Variants in ACBD6 observed in about 807,000 individuals in gnomAD.
ACBD6 encodes acyl-CoA-binding domain-containing protein 6.
ACBD6 carries 28 observed loss-of-function variants against 37.2 expected under a neutral mutation model. The ratio of observed to expected loss-of-function variants is 0.75; its 90% CI spans 0.56 to 1.03. The LOEUF (loss-of-function observed/expected upper bound fraction) is 1.03, where lower values mean the gene tolerates loss of function less well. ACBD6 is among the 50% of genes least tolerant of loss of function. The pLI, the probability that ACBD6 is intolerant of heterozygous loss-of-function variation, is 0.00. For synonymous variants in ACBD6, 113 were observed against 126.8 expected (o/e 0.89, Z 0.73); for missense variants, 340 against 337.4 (o/e 1.01, Z -0.06).
intron 3 of ACBD6, among the ~76,000 whole-genome samples, chr1:180,465,654 T>C (rs1180234182): frequency 6.6e-6 from 1 of 152,114 alleles, no homozygotes; most frequent in Non-Finnish European, 1.5e-5. Flanking sequence ...AGTAATCTCA[T>C]TACTGGGTAT....
At chr1:180,319,235 G>A (rs894608914) in intron 6 of ACBD6, among the ~76,000 whole-genome samples, 4 of 152,124 alleles carry the variant, frequency 2.6e-5, no homozygotes, top group African/African-American at 4.8e-5. Context: ...CAAGTACTAC[G>A]TCTTTCATCC....
intron 6 of ACBD6, among the ~76,000 whole-genome samples, chr1:180,372,757 A>T (rs1653305959): frequency 6.6e-6 from 1 of 152,158 alleles, no homozygotes; most frequent in Non-Finnish European, 1.5e-5. Flanking sequence ...TCTTGAGAGT[A>T]TCACTTACTT....
At chr1:180,328,540 A>C (rs1326822884) in intron 6 of ACBD6, among the ~76,000 whole-genome samples, 2 of 151,962 alleles carry the variant, frequency 1.3e-5, no homozygotes, top group Non-Finnish European at 2.9e-5. Flanking sequence ...GAGGGGCTAG[A>C]TTTTCCCATG....
intron 7 of ACBD6, among the ~76,000 whole-genome samples, chr1:180,306,077 A>G (rs1650347532): frequency 7.9e-6 from 1 of 126,076 alleles, no homozygotes; most frequent in Admixed American, 1.0e-4. Flanking sequence ...GAAGGGGAAC[A>G]TCACACCCCG....
chr1:180,284,756 T>C (rs946046803), downstream of ACBD6, among the ~76,000 whole-genome samples: 4 of 152,310 alleles, frequency 2.6e-5, no homozygotes, highest in Non-Finnish European at 5.9e-5. Context: ...CCTTTGAGTA[T>C]GGCTGCTTTT....
In ACBD6 at chr1:180,343,884, C is replaced by T. The variant is rs115570388; in HGVS notation, c.664-29162G>A. On this transcript the variant is annotated intron_variant, in intron 6 of 7. Coordinates refer to ENST00000367595, the MANE Select transcript of ACBD6 (RefSeq NM_032360.4). ...AGGAGTTTGAGACCGGCCTGGGTGA[C>T]AGAAAGACACCCTATCTCAAAAGAA... 8.1e-3 allele frequency among the ~76,000 whole-genome samples: 1,225 copies of T among 152,114 alleles called. 8 individuals carry two copies. The highest frequency in any genetic ancestry group is 0.026 in the South Asian group (127 of 4,816).
chr1:180,367,685 T>C (rs760632822), intron 6 of ACBD6, among the ~76,000 whole-genome samples: 3 of 152,184 alleles, frequency 2.0e-5, no homozygotes, highest in Non-Finnish European at 4.4e-5. Flanking sequence ...GGTAATAGCC[T>C]CCAGCTCCAT....
intron 5 of ACBD6, among the ~76,000 whole-genome samples, chr1:180,411,945 C>T (rs1647876859): frequency 6.6e-6 from 1 of 152,080 alleles, no homozygotes; most frequent in Non-Finnish European, 1.5e-5. Context: ...GCTGGGATTA[C>T]AGGCGTGAGC....
At chr1:180,274,345 T>C (rs767892090) in intron 10 of ACBD6, 1 of 1,614,178 alleles carries the variant, frequency 6.2e-7, no homozygotes, top group Non-Finnish European at 8.5e-7. Flanking sequence ...TCCCCCAGTC[T>C]CCATCCTCCA....
chr1:180,413,069 T>C (rs948423917), intron 5 of ACBD6, among the ~76,000 whole-genome samples: 2 of 152,210 alleles, frequency 1.3e-5, no homozygotes, highest in South Asian at 4.1e-4. Flanking sequence ...GAGATTTTGC[T>C]ATTACCTGTA....
chr1:180,502,524 G>C lies in ACBD6; in HGVS notation c.-258C>G, dbSNP rs1000178934. ...TCCTCCGGCTTCCCTCCGGCCAACA[G>C]CGCGCTCAGGCTCGCCTCAGGCCCC... On this transcript the variant is annotated 5_prime_UTR_variant, in exon 1 of 8. Transcript: ENST00000367595. 1.3e-5 allele frequency: 7 copies of C among 527,302 alleles called. No homozygotes were observed. The highest frequency in any genetic ancestry group is 2.4e-5 in the Non-Finnish European group (7 of 290,592). 32.7% of individuals were successfully genotyped at this position (527,302 alleles called of 1,614,324 possible).
intron 4 of ACBD6, among the ~76,000 whole-genome samples, chr1:180,427,369 T>C (rs530456003): frequency 6.6e-6 from 1 of 152,346 alleles, no homozygotes; most frequent in Admixed American, 6.5e-5. Context: ...ATTTGATGCT[T>C]CTAAAACTCT....
At chr1:180,495,665 T>C in intron 1 of ACBD6, 140 bp from the exon 2 acceptor site, 1 of 638,140 alleles carries the variant, frequency 1.6e-6, no homozygotes, top group Admixed American at 2.9e-5. Context: ...AAATTTAACA[T>C]TCTTTGCCAA....
intron 3 of ACBD6, among the ~76,000 whole-genome samples, chr1:180,439,095 C>CTAA (rs1260942076): frequency 6.6e-6 from 1 of 152,160 alleles, no homozygotes; most frequent in Non-Finnish European, 1.5e-5. Context: ...TTTTCATGGT[C>CTAA]TAATAGCTCA....
chr1:180,352,211 T>TA (rs1424168820), intron 6 of ACBD6, among the ~76,000 whole-genome samples: 1 of 152,130 alleles, frequency 6.6e-6, no homozygotes, highest in East Asian at 1.9e-4. Context: ...GTTCTGGAGA[T>TA]AGACGATGGT....
chr1:180,483,736 A>G (rs1351490541), intron 3 of ACBD6, among the ~76,000 whole-genome samples: 1 of 152,206 alleles, frequency 6.6e-6, no homozygotes, highest in Non-Finnish European at 1.5e-5. Flanking sequence ...CTGGAGAGAG[A>G]TCATTAATGT....
At chr1:180,307,554 G>A (rs183808348) in intron 7 of ACBD6, among the ~76,000 whole-genome samples, 252 of 152,228 alleles carry the variant, frequency 1.7e-3, no homozygotes, top group Non-Finnish European at 2.9e-3. Flanking sequence ...TTGAGGGAAT[G>A]GACACCCCAT....
intron 6 of ACBD6, among the ~76,000 whole-genome samples, chr1:180,328,144 T>A (rs1328221727): frequency 6.6e-6 from 1 of 152,162 alleles, no homozygotes; most frequent in Non-Finnish European, 1.5e-5. Context: ...CATAAAATTG[T>A]GTAGCCCCTG....
intron 7 of ACBD6, among the ~76,000 whole-genome samples, chr1:180,314,279 A>G (rs1194169476): frequency 2.0e-5 from 3 of 151,990 alleles, no homozygotes; most frequent in African/African-American, 7.3e-5. Context: ...GAGTCTCACT[A>G]TGTCACCCAG....
Sources: allele counts gnomAD v4.1 joint callset (sites outside exome capture counted in the v4.1 genomes callset), GRCh38; gene constraint gnomAD v4.1.1; transcripts MANE v1.5; gene names NCBI Gene and HGNC (gene_info 2026-07-23, HGNC 2026-07-21).